SYNE1: variants seen among roughly 807,000 people sequenced by gnomAD.
SYNE1 encodes spectrin repeat containing nuclear envelope protein 1.
A neutral mutation model predicts 1,111.0 loss-of-function variants in SYNE1; 616 were observed. The observed-to-expected ratio is 0.55, with a 90% confidence interval of 0.52 to 0.59. The LOEUF is 0.59. Among genes scored for constraint, SYNE1 ranks in the 20% least tolerant of loss-of-function variants. The pLI, the probability that SYNE1 is intolerant of heterozygous loss-of-function variation, is 0.00. For missense variants in SYNE1, 10,006 were observed against 10,417.0 expected, an observed-to-expected ratio of 0.96 and a Z score of 1.72; for synonymous variants, 3,855 against 3,825.8, an observed-to-expected ratio of 1.01 and a Z score of -0.28.
intron 74 of SYNE1, among the ~76,000 whole-genome samples, chr6:152,341,555 G>A (rs1423065211): frequency 6.6e-6 from 1 of 152,134 alleles, no homozygotes; most frequent in African/African-American, 2.4e-5. Flanking sequence ...TTGTGGCAGC[G>A]GGGAGTGTAT....
At position 152,206,476 on chromosome 6, in the gene SYNE1, G is replaced by A. The variant is rs750336820; in HGVS notation, c.22825-114C>T. 209 of 1,145,242 alleles carry A rather than the reference G, an allele frequency of 1.8e-4. 1 individual carries two copies. Among genetic ancestry groups the A allele is most frequent in the Non-Finnish European group, 2.3e-4 (183 of 788,470 alleles). 70.9% of individuals were successfully genotyped at this position (1,145,242 alleles called of 1,614,324 possible). On this transcript the variant is annotated intron_variant, in intron 125 of 145. Coordinates refer to ENST00000367255, the MANE Select transcript of SYNE1 (RefSeq NM_182961.4). ...CTCTTTCATCCAGCAAGCATTTACC[G>A]TAGTGGTGCTTTGCACATGCATGCA...
chr6:152,369,413 C>G, intron 60 of SYNE1, 58 bp downstream of exon 60: 1 of 1,612,456 alleles, frequency 6.2e-7, no homozygotes, highest in Non-Finnish European at 8.5e-7. Context: ...TCTGTAAGGT[C>G]GACAGAGGAC....
intron 3 of SYNE1, among the ~76,000 whole-genome samples, chr6:152,591,214 A>T (rs2099562204): frequency 6.6e-6 from 1 of 152,056 alleles, no homozygotes; most frequent in Non-Finnish European, 1.5e-5. Flanking sequence ...CAGAAATGCT[A>T]CTGAAGAACA....
chr6:152,345,465 A>G (rs1350690242), intron 73 of SYNE1, among the ~76,000 whole-genome samples: 1 of 152,050 alleles, frequency 6.6e-6, no homozygotes, highest in Non-Finnish European at 1.5e-5. Context: ...TTTTAAGTCT[A>G]GGAAGTTGAC....
At chr6:152,458,715 C>T (rs1198288798) in intron 22 of SYNE1, 42 bp downstream of exon 22, 2 of 1,604,090 alleles carry the variant, frequency 1.2e-6, no homozygotes, top group East Asian at 2.2e-5. Context: ...TCTTGTTACA[C>T]ATGCTTTAGA....
At chr6:152,523,270 G>T (rs1167984030) in intron 5 of SYNE1, among the ~76,000 whole-genome samples, 1 of 151,854 alleles carries the variant, frequency 6.6e-6, no homozygotes, top group Non-Finnish European at 1.5e-5. Flanking sequence ...TCTTTTACAT[G>T]TGACTATCCA....
At chr6:152,543,672 T>C (rs1214601332) in intron 3 of SYNE1, among the ~76,000 whole-genome samples, 1 of 152,226 alleles carries the variant, frequency 6.6e-6, no homozygotes, top group Non-Finnish European at 1.5e-5. Flanking sequence ...ACGAACCTCA[T>C]AGATGACAGT....
intron 3 of SYNE1, among the ~76,000 whole-genome samples, chr6:152,598,519 T>A (rs2099588309): frequency 6.6e-6 from 1 of 152,240 alleles, no homozygotes; most frequent in Non-Finnish European, 1.5e-5. Flanking sequence ...TTAAGTCACA[T>A]TTGCCAGTTT....
At chr6:152,634,495 G>T (rs2099703002) in intron 2 of SYNE1, among the ~76,000 whole-genome samples, 1 of 152,010 alleles carries the variant, frequency 6.6e-6, no homozygotes, top group Non-Finnish European at 1.5e-5. Flanking sequence ...CATTAATAAT[G>T]GTACTAATTA....
intron 127 of SYNE1, among the ~76,000 whole-genome samples, chr6:152,198,106 G>C (rs1232928597): frequency 2.1e-5 from 3 of 144,826 alleles, no homozygotes; most frequent in African/African-American, 7.5e-5. Flanking sequence ...GGGAGGGAGG[G>C]TAACCACTTC....
At chr6:152,272,695 G>A (rs1188589121) in intron 98 of SYNE1, among the ~76,000 whole-genome samples, 1 of 152,122 alleles carries the variant, frequency 6.6e-6, no homozygotes, top group Non-Finnish European at 1.5e-5. Flanking sequence ...TAGTTAAAAG[G>A]AATGGAGGTA....
intron 145 of SYNE1, among the ~76,000 whole-genome samples, chr6:152,124,963 C>T (rs1459765901): frequency 1.3e-5 from 2 of 152,124 alleles, no homozygotes; most frequent in Non-Finnish European, 2.9e-5. Flanking sequence ...CAGTCCTCTG[C>T]GGTGTGTACT....
intron 92 of SYNE1, among the ~76,000 whole-genome samples, chr6:152,301,372 T>G (rs1432917211): frequency 6.6e-6 from 1 of 152,226 alleles, no homozygotes; most frequent in Non-Finnish European, 1.5e-5. Context: ...TTTATTTTAA[T>G]CCAAAGCCAA....
Position 152,220,945 on chromosome 6 carries a change from G to A in SYNE1, c.21758C>T (p.Ser7253Leu), listed in dbSNP as rs749718460. The A allele has an allele frequency of 1.7e-5, 28 of 1,614,008 alleles. No individual in the cohort carries two copies. The highest frequency in any genetic ancestry group is 4.0e-5 in the African/African-American group (3 of 74,916). Residue 7253 changes from serine to leucine, a missense_variant, in exon 119 of 146, where the codon TCG (serine) becomes TTG (leucine). This residue lies in a region of SYNE1 where 2,182 missense variants were observed against 2,287.8 expected (regional missense o/e 0.95). Coordinates refer to ENST00000367255, the MANE Select transcript of SYNE1 (RefSeq NM_182961.4). ...TCGATCCTCCTGCTGCTGAACTGTC[G>A]AAGCACACTGTTTGGAGTAGTCCTT... Reference protein sequence around the residue: ...RYKDYSKQCASTVQQQEDRTN... With the variant: ...RYKDYSKQCALTVQQQEDRTN...
Position 152,148,060 on chromosome 6 carries a change from C to T in SYNE1, c.24961G>A (p.Ala8321Thr), listed in dbSNP as rs1303070449. Residue 8321 changes from alanine to threonine, a missense_variant, in exon 137 of 146, where the codon GCT (alanine) becomes ACT (threonine). Physicochemically the swap from Ala to Thr is moderately conservative, Grantham distance 58. Transcript: ENST00000367255. This position sits in a 1 kb window ranked among gnomAD's most constrained non-coding sequence, Gnocchi z 4.1. ...QDDKDFYLRG[A>T]VGLSGDHSAL... ...TCTTTCCTACCTGATAAGCCAACAGCTCCCCGGAGGTAGAAATCTTTGTCA... is the reference window on the plus strand; with the variant it reads ...TCTTTCCTACCTGATAAGCCAACAGTTCCCCGGAGGTAGAAATCTTTGTCA... 1 of 1,614,076 alleles carries T rather than the reference C, an allele frequency of 6.2e-7. No individual in the cohort carries two copies. Among genetic ancestry groups the T allele is most frequent in the East Asian group, 2.2e-5 (1 of 44,878 alleles).
At chr6:152,128,355 C>T (rs1308170071) in intron 145 of SYNE1, 1 of 152,186 alleles carries the variant, frequency 6.6e-6, no homozygotes, top group Non-Finnish European at 1.5e-5. Context: ...TTTAGGGAAT[C>T]TCTAGATTCT....
chr6:152,202,965 T>C (rs2075818216), intron 126 of SYNE1, among the ~76,000 whole-genome samples: 1 of 152,168 alleles, frequency 6.6e-6, no homozygotes, highest in Non-Finnish European at 1.5e-5. Context: ...AAGAAATCTA[T>C]ATCTAATATG....
In SYNE1 at chr6:152,430,181, A is replaced by G. The variant is rs1327970676; in HGVS notation, c.4719T>C (p.Asp1573=). 1.9e-6 allele frequency: 3 copies of G among 1,604,852 alleles called. No individual in the cohort carries two copies. The highest frequency in any genetic ancestry group is 8.5e-7 in the Non-Finnish European group (1 of 1,173,818). The part of the protein sequence containing the change: ...KIQQSVSEFE[D]KLAVPIKICS... ...ATATTTTAATTGGAACAGCAAGTTT[A>G]TCTTCAAATTCAGACACAGATTGCT... Residue 1573 remains aspartate (D), a synonymous_variant, in exon 36 of 146, where the codon GAT becomes GAC. Coordinates refer to ENST00000367255, the MANE Select transcript of SYNE1 (RefSeq NM_182961.4).
intron 98 of SYNE1, among the ~76,000 whole-genome samples, chr6:152,271,987 T>C (rs2093250191): frequency 1.3e-5 from 2 of 152,228 alleles, no homozygotes; most frequent in Admixed American, 6.5e-5. Context: ...ATGGTCTGAT[T>C]GAGAGAGGTT....
Sources: gnomAD v4.1 joint callset for allele counts (sites outside exome capture counted in the v4.1 genomes callset) on GRCh38, gnomAD v4.1.1 for gene constraint, gnomAD v4.1.1 regional missense constraint, Gnocchi (gnomAD v3.1) non-coding constraint, MANE v1.5 for transcripts, NCBI Gene and HGNC (gene_info 2026-07-23, HGNC 2026-07-21) for gene names.